Variants in GALNT13 observed in about 807,000 individuals in gnomAD.
GALNT13 encodes the protein polypeptide N-acetylgalactosaminyltransferase 13.
A neutral mutation model predicts 64.2 loss-of-function variants in GALNT13; 28 were observed. That is an observed-to-expected ratio of 0.44 (90% CI 0.32 to 0.60). The LOEUF (loss-of-function observed/expected upper bound fraction) is 0.60. GALNT13 is among the 20% of genes least tolerant of loss of function. The pLI is 0.05. For synonymous variants in GALNT13, 214 were observed against 224.6 expected (o/e 0.95, Z 0.42); for missense variants, 577 against 669.8 (o/e 0.86, Z 1.53).
intron 3 of GALNT13, among the ~76,000 whole-genome samples, chr2:154,006,900 C>A (rs183751082): frequency 5.9e-5 from 9 of 152,272 alleles, no homozygotes; most frequent in Admixed American, 4.6e-4. Context: ...CAGTGACCCA[C>A]ATTTTTTGTC....
At chr2:153,925,367 G>A (rs1450144837) in intron 2 of GALNT13, among the ~76,000 whole-genome samples, 1 of 151,906 alleles carries the variant, frequency 6.6e-6, no homozygotes, top group Non-Finnish European at 1.5e-5. Flanking sequence ...AGTTGTAGGT[G>A]CGCAGTCTTA....
At chr2:153,981,714 G>T (rs1694477912) in intron 3 of GALNT13, among the ~76,000 whole-genome samples, 1 of 152,014 alleles carries the variant, frequency 6.6e-6, no homozygotes, top group South Asian at 2.1e-4. Context: ...TAAATTCACA[G>T]TTTAACACTT....
the GALNT13 span, among the ~76,000 whole-genome samples, chr2:153,276,649 A>G: frequency 1.3e-5 from 2 of 152,250 alleles, no homozygotes; most frequent in South Asian, 4.1e-4. Flanking sequence ...TTTAATTTGT[A>G]GTTTCTGATG....
chr2:153,167,203 A>C, the GALNT13 span, among the ~76,000 whole-genome samples: 2 of 152,328 alleles, frequency 1.3e-5, no homozygotes, highest in South Asian at 4.1e-4. Context: ...AGCAAATGAT[A>C]CTTCCATTGG....
chr2:153,176,366 A>G, the GALNT13 span, among the ~76,000 whole-genome samples: 15 of 152,164 alleles, frequency 9.9e-5, no homozygotes, highest in African/African-American at 3.6e-4. Context: ...ATTGAAAGAG[A>G]CAATAAAGGC....
At position 154,298,608 on chromosome 2, in the gene GALNT13, T is replaced by TAAATTATATATACAATGTATATA. The variant is rs1190599505; in HGVS notation, c.976-2801_976-2800insAAATTATATATACAATGTATATA. Among the ~76,000 whole-genome samples the TAAATTATATATACAATGTATATA allele has an allele frequency of 3.1e-3, 12 of 3,872 alleles. 1 individual carries two copies. The highest frequency in any genetic ancestry group is 0.011 in the South Asian group (1 of 94). 2.5% of individuals were successfully genotyped at this position (3,872 alleles called of 152,430 possible). A position where few individuals can be genotyped will look rare whatever the true frequency, so the allele number is the denominator to read the frequency against. On this transcript the variant is annotated intron_variant, in intron 8 of 12. Transcript: ENST00000392825. Reference sequence around the variant, plus strand: ...ATAATTTATATATACAATGTATATATTAATTTATATATACATTGTATATAT... The same window carrying TAAATTATATATACAATGTATATA: ...ATAATTTATATATACAATGTATATATAAATTATATATACAATGTATATATAATTTATATATACATTGTATATAT...
At chr2:153,091,864 A>T in the GALNT13 span, among the ~76,000 whole-genome samples, 1 of 151,920 alleles carries the variant, frequency 6.6e-6, no homozygotes. Context: ...CCGTTTGTCC[A>T]TTTTTGCTTT....
chr2:154,280,866 C>T (rs1301239030), intron 8 of GALNT13, among the ~76,000 whole-genome samples: 12 of 152,122 alleles, frequency 7.9e-5, no homozygotes, highest in Admixed American at 7.9e-4. Context: ...GGTATCTGAC[C>T]TACATATCAT....
chr2:153,068,357 A>G, the GALNT13 span, among the ~76,000 whole-genome samples: 2 of 151,830 alleles, frequency 1.3e-5, no homozygotes, highest in Non-Finnish European at 2.9e-5. Context: ...CAGACCCAGA[A>G]CTCGGTAAGG....
At chr2:153,084,639 G>A in the GALNT13 span, among the ~76,000 whole-genome samples, 1 of 152,158 alleles carries the variant, frequency 6.6e-6, no homozygotes, top group Non-Finnish European at 1.5e-5. Flanking sequence ...CTTTATAAAT[G>A]GGAGTTCCCC....
At chr2:153,158,104 A>G in the GALNT13 span, among the ~76,000 whole-genome samples, 1 of 152,194 alleles carries the variant, frequency 6.6e-6, no homozygotes, top group Non-Finnish European at 1.5e-5. Context: ...TTTTAAAATT[A>G]GTCCAAAAGT....
the GALNT13 span, among the ~76,000 whole-genome samples, chr2:153,453,627 T>C: frequency 4.6e-5 from 7 of 152,130 alleles, no homozygotes; most frequent in African/African-American, 1.4e-4. Context: ...CAGATGCTGG[T>C]AAGGCTACAG....
At chr2:153,823,394 C>A in the GALNT13 span, among the ~76,000 whole-genome samples, 8 of 152,116 alleles carry the variant, frequency 5.3e-5, no homozygotes, top group Non-Finnish European at 1.0e-4. Context: ...CTACAGTAAC[C>A]AAAACAGCAT....
intron 9 of GALNT13, among the ~76,000 whole-genome samples, chr2:154,313,256 AT>A (rs1455705143): frequency 1.3e-5 from 2 of 148,880 alleles, no homozygotes; most frequent in Non-Finnish European, 3.0e-5. Flanking sequence ...GTATATATAT[AT>A]ATACACACAC....
intron 3 of GALNT13, among the ~76,000 whole-genome samples, chr2:153,984,837 G>A (rs1424292091): frequency 6.6e-6 from 1 of 151,494 alleles, no homozygotes; most frequent in Non-Finnish European, 1.5e-5. Context: ...AACACTATCA[G>A]GTTCACTGAT....
chr2:153,945,531 G>T (rs182651350), intron 3 of GALNT13, among the ~76,000 whole-genome samples: 1 of 152,052 alleles, frequency 6.6e-6, no homozygotes, highest in African/African-American at 2.4e-5. Flanking sequence ...TGACATGTTT[G>T]TACCTTTTGG....
chr2:153,726,943 A>C, the GALNT13 span, among the ~76,000 whole-genome samples: 1 of 146,858 alleles, frequency 6.8e-6, no homozygotes, highest in South Asian at 2.2e-4. Context: ...CCATCTCAAA[A>C]AAAAAAAAAA....
intron 4 of GALNT13, among the ~76,000 whole-genome samples, chr2:154,167,555 T>C (rs1300659223): frequency 6.6e-6 from 1 of 152,200 alleles, no homozygotes; most frequent in African/African-American, 2.4e-5. Flanking sequence ...AAGCAAAAAC[T>C]TTTCTTTTAC....
the GALNT13 span, among the ~76,000 whole-genome samples, chr2:153,213,706 GTT>G: frequency 6.6e-6 from 1 of 151,950 alleles, no homozygotes; most frequent in African/African-American, 2.4e-5. Context: ...ATTTCAGTCA[GTT>G]TTTTTTAGTT....
Sources: gnomAD v4.1 joint callset for allele counts (sites outside exome capture counted in the v4.1 genomes callset) on GRCh38, gnomAD v4.1.1 for gene constraint, MANE v1.5 for transcripts, NCBI Gene and HGNC (gene_info 2026-07-23, HGNC 2026-07-21) for gene names.